The following TRIO variants were observed in gnomAD, a reference collection of about 807,000 sequenced individuals.
TRIO encodes trio Rho guanine nucleotide exchange factor, also known as triple functional domain protein.
TRIO carries 58 observed loss-of-function variants against 351.9 expected under a neutral mutation model. That is an observed-to-expected ratio of 0.16 (90% CI 0.13 to 0.21). TRIO has a LOEUF of 0.21. TRIO is among the 10% of genes least tolerant of loss of function. The probability of loss-of-function intolerance (pLI) is 1.00; values close to 1 mark genes in which losing one functional copy is unlikely to be tolerated. For synonymous variants in TRIO, 1,758 were observed against 1,595.7 expected, an observed-to-expected ratio of 1.10 and a Z score of -2.42; for missense variants, 3,201 against 4,027.8, an observed-to-expected ratio of 0.79 and a Z score of 5.56.
At chr5:14,409,834 CAA>C (rs762403574) in intron 33 of TRIO, among the ~76,000 whole-genome samples, 226 of 82,090 alleles carry the variant, frequency 2.8e-3, no homozygotes, top group African/African-American at 7.2e-3. Context: ...GACTCCATCT[CAA>C]AAAAAAAAAA....
In TRIO at chr5:14,461,234, C is replaced by T. The variant is rs1753778152; in HGVS notation, c.5419C>T (p.Arg1807Cys). The T allele has an allele frequency of 6.3e-7, 1 of 1,585,812 alleles. No individual in the cohort carries two copies. The highest frequency in any genetic ancestry group is 8.6e-7 in the Non-Finnish European group (1 of 1,167,308). Reference protein sequence around the residue: ...AHKHKKSREVRKSADAGSQKD... With the variant: ...AHKHKKSREVCKSADAGSQKD... ...CAAGCACAAGAAGAGCCGCGAGGTC[C>T]GCAAGAGCGCCGACGCCGGCTCGCA... Residue 1807 changes from arginine (R) to cysteine (C), a missense_variant, in exon 35 of 57, where the codon CGC becomes TGC. Physicochemically the swap from Arg to Cys is radical, Grantham distance 180. Coordinates refer to ENST00000344204, the MANE Select transcript of TRIO (RefSeq NM_007118.4).
chr5:14,484,734 C>T (rs959241851), intron 46 of TRIO, among the ~76,000 whole-genome samples: 1 of 152,172 alleles, frequency 6.6e-6, no homozygotes, highest in Non-Finnish European at 1.5e-5. Flanking sequence ...AGAGCTAAAG[C>T]CCTGTACCCA....
At chr5:14,270,474 G>C (rs1263251588) in intron 1 of TRIO, among the ~76,000 whole-genome samples, 1 of 152,178 alleles carries the variant, frequency 6.6e-6, no homozygotes, top group Non-Finnish European at 1.5e-5. Flanking sequence ...CTTTGTACCA[G>C]CAAAGATTTA....
At position 14,488,223 on chromosome 5, in the gene TRIO, C is replaced by G; in HGVS notation, c.7595C>G (p.Ala2532Gly). The G allele has an allele frequency of 6.3e-7, 1 of 1,588,990 alleles. No homozygotes were observed. Among genetic ancestry groups the G allele is most frequent in the Non-Finnish European group, 8.5e-7 (1 of 1,174,936 alleles). ...GACCGCATGAGCACGTGCTCCTCGG[C>G]CAGCGAGCAGTCCGTGCAGTCCACC... is the stretch of plus-strand genomic sequence containing the variant. ...DTDRMSTCSSASEQSVQSTQS... is the reference protein window; with the variant it reads ...DTDRMSTCSSGSEQSVQSTQS... Residue 2532 changes from alanine to glycine, a missense_variant, in exon 48 of 57, where the codon GCC (alanine) becomes GGC (glycine). Around this residue, in one of 19 missense-constraint regions of TRIO, gnomAD observed 1,089 missense variants for 954.9 expected, o/e 1.14. Coordinates refer to ENST00000344204, the MANE Select transcript of TRIO (RefSeq NM_007118.4).
At chr5:14,207,531 CACACACACACACACACACACACACACGG>C (rs1791616055) in intron 1 of TRIO, among the ~76,000 whole-genome samples, 2 of 134,756 alleles carry the variant, frequency 1.5e-5, no homozygotes, top group South Asian at 2.4e-4. Flanking sequence ...TCTACACACA[CACACACACACACACACACACACACACGG>C]AGCCAGGTGT....
chr5:14,391,351 A>C (rs1747067653), intron 27 of TRIO, among the ~76,000 whole-genome samples: 1 of 152,210 alleles, frequency 6.6e-6, no homozygotes, highest in Non-Finnish European at 1.5e-5. Context: ...TAAACTATTA[A>C]GCTTCTTTTC....
chr5:14,189,963 C>T (rs1263697012), intron 1 of TRIO, among the ~76,000 whole-genome samples: 7 of 152,098 alleles, frequency 4.6e-5, no homozygotes, highest in African/African-American at 1.7e-4. Context: ...CTCAAGCACT[C>T]CTCCCACCTG....
intron 1 of TRIO, among the ~76,000 whole-genome samples, chr5:14,163,649 G>T (rs1035921644): frequency 4.6e-5 from 7 of 152,340 alleles, no homozygotes; most frequent in Middle Eastern, 3.4e-3. Flanking sequence ...CATCCTGATT[G>T]GGATTCTGGC....
chr5:14,465,882 C>T, intron 37 of TRIO: 3 of 509,258 alleles, frequency 5.9e-6, no homozygotes, highest in Non-Finnish European at 7.2e-6. Context: ...TCAAAATAGG[C>T]AAGGGAAGAA....
At chr5:14,494,151 TAAG>T (rs1453262884) in intron 49 of TRIO, among the ~76,000 whole-genome samples, 1 of 152,210 alleles carries the variant, frequency 6.6e-6, no homozygotes, top group Non-Finnish European at 1.5e-5. Flanking sequence ...CTGGGGTCCT[TAAG>T]AACCATGCTA....
intron 34 of TRIO, among the ~76,000 whole-genome samples, chr5:14,449,609 G>A (rs984543119): frequency 6.6e-6 from 1 of 152,176 alleles, no homozygotes; most frequent in Non-Finnish European, 1.5e-5. Flanking sequence ...TGCAGACCAC[G>A]TGTTTCTAAA....
chr5:14,450,646 CTG>C (rs1317636353), intron 34 of TRIO, among the ~76,000 whole-genome samples: 2 of 152,340 alleles, frequency 1.3e-5, no homozygotes, highest in East Asian at 3.9e-4. Flanking sequence ...TTAGGACCCA[CTG>C]TGCAATATGT....
At chr5:14,379,765 T>C (rs1371796827) in intron 20 of TRIO, among the ~76,000 whole-genome samples, 3 of 152,246 alleles carry the variant, frequency 2.0e-5, no homozygotes, top group African/African-American at 7.2e-5. Flanking sequence ...ATTGTTGCAT[T>C]TTCCTAAAGT....
chr5:14,179,907 C>G (rs1042540584), intron 1 of TRIO, among the ~76,000 whole-genome samples: 2 of 151,838 alleles, frequency 1.3e-5, no homozygotes, highest in Admixed American at 1.3e-4. Flanking sequence ...GCCTGGCCAA[C>G]ATGACCAGTA....
At chr5:14,503,554 G>A (rs1397908408) in intron 54 of TRIO, among the ~76,000 whole-genome samples, 1 of 152,166 alleles carries the variant, frequency 6.6e-6, no homozygotes, top group African/African-American at 2.4e-5. Flanking sequence ...TTTCCACATC[G>A]ACTTTCACCC....
chr5:14,492,874 G>A (rs1165351337), intron 49 of TRIO, 60 bp downstream of exon 49: 13 of 1,591,024 alleles, frequency 8.2e-6, no homozygotes, highest in South Asian at 1.1e-5. Flanking sequence ...CACAGCACCC[G>A]TGAGGCACAC....
chr5:14,334,956 T>A (rs1422902658), intron 10 of TRIO, among the ~76,000 whole-genome samples: 1 of 152,172 alleles, frequency 6.6e-6, no homozygotes, highest in Non-Finnish European at 1.5e-5. Flanking sequence ...AGGGCCTGGA[T>A]GAGAGAAGCC....
At chr5:14,254,227 A>C (rs113684813) in intron 1 of TRIO, among the ~76,000 whole-genome samples, 19,314 of 132,488 alleles carry the variant, frequency 0.15, 1,804 homozygotes, top group African/African-American at 0.3. Flanking sequence ...TTTGTCACCC[A>C]GGCTGGAGTG....
chr5:14,254,485 G>A (rs1200607319), intron 1 of TRIO, among the ~76,000 whole-genome samples: 4 of 152,152 alleles, frequency 2.6e-5, no homozygotes, highest in African/African-American at 7.2e-5. Context: ...GACCATGATC[G>A]CCTTGTCTGG....
Sources: gnomAD v4.1 joint callset for allele counts (sites outside exome capture counted in the v4.1 genomes callset) on GRCh38, gnomAD v4.1.1 for gene constraint, gnomAD v4.1.1 regional missense constraint, MANE v1.5 for transcripts, NCBI Gene and HGNC (gene_info 2026-07-23, HGNC 2026-07-21) for gene names.